Variants in GALNTL6 observed in about 807,000 individuals in gnomAD.
GALNTL6 encodes polypeptide N-acetylgalactosaminyltransferase-like 6.
A neutral mutation model predicts 73.7 loss-of-function variants in GALNTL6; 46 were observed. That is an observed-to-expected ratio of 0.62 (90% CI 0.49 to 0.80). The LOEUF (loss-of-function observed/expected upper bound fraction) is 0.80. Among genes scored for constraint, GALNTL6 ranks in the 30% least tolerant of loss-of-function variants. The probability of loss-of-function intolerance (pLI) is 0.00; values close to 1 mark genes in which losing one functional copy is unlikely to be tolerated. For missense variants in GALNTL6, 604 were observed against 755.0 expected (o/e 0.80, Z 2.34); for synonymous variants, 259 against 263.7 (o/e 0.98, Z 0.17).
At chr4:172,287,784 A>G (rs1024120952) in intron 3 of GALNTL6, among the ~76,000 whole-genome samples, 1 of 152,092 alleles carries the variant, frequency 6.6e-6, no homozygotes, top group African/African-American at 2.4e-5. Context: ...AAGGATCTCT[A>G]TGTGTCTGGA....
Position 172,984,160 on chromosome 4 carries a change from G to A in GALNTL6, c.1372-25018G>A, listed in dbSNP as rs537432336. On this transcript the variant is annotated intron_variant, in intron 10 of 12. Coordinates refer to ENST00000506823, the MANE Select transcript of GALNTL6 (RefSeq NM_001034845.3). ...TGCCAACTGTTGTGTCTGTATATGC[G>A]TATGTATTCGTCCGTTCTCAGATTG... Among the ~76,000 whole-genome samples the A allele has an allele frequency of 1.3e-3, 202 of 152,134 alleles. 1 individual carries two copies. The highest frequency in any genetic ancestry group is 3.4e-3 in the Middle Eastern group (1 of 294).
intron 2 of GALNTL6, among the ~76,000 whole-genome samples, chr4:171,968,194 C>T (rs532297420): frequency 2.8e-4 from 43 of 152,234 alleles, no homozygotes; most frequent in African/African-American, 9.9e-4. Flanking sequence ...ACTTCAGCGG[C>T]ATCTGTATTA....
At chr4:171,817,706 G>T (rs966265168) in intron 2 of GALNTL6, among the ~76,000 whole-genome samples, 18 of 151,276 alleles carry the variant, frequency 1.2e-4, no homozygotes, top group African/African-American at 4.1e-4. Context: ...ATGAAACAAG[G>T]ACGTAAAAAT....
chr4:171,973,285 A>G (rs1434479906), intron 2 of GALNTL6, among the ~76,000 whole-genome samples: 5 of 152,228 alleles, frequency 3.3e-5, no homozygotes, highest in Non-Finnish European at 5.9e-5. Context: ...TAGGGCTGCC[A>G]TAAGGAAGTA....
rs185877251 is a variant in GALNTL6, at chr4:172,685,720, A to G, written c.554-123641A>G. Among the ~76,000 whole-genome samples, 476 of 152,322 alleles carry G rather than the reference A, an allele frequency of 3.1e-3. 4 individuals carry two copies. Among genetic ancestry groups the G allele is most frequent in the African/African-American group, 0.011 (445 of 41,568 alleles). ...AGTAAATCCTCTTTTTGAGTCTTCA[A>G]TTGAATAAAACATTAATCATTTCTA... is the stretch of plus-strand genomic sequence containing the variant. On this transcript the variant is annotated intron_variant, in intron 5 of 12. Coordinates refer to ENST00000506823, the MANE Select transcript of GALNTL6 (RefSeq NM_001034845.3).
In GALNTL6 at chr4:172,267,786, T is replaced by G. The variant is rs115633135; in HGVS notation, c.247+38022T>G. ...GTGGGGCATATTTTTTTCTCCTATGTGTAGCCTTGTTCTTGGAAGTATATG... is the reference window on the plus strand; with the variant it reads ...GTGGGGCATATTTTTTTCTCCTATGGGTAGCCTTGTTCTTGGAAGTATATG... On this transcript the variant is annotated intron_variant, in intron 3 of 12. Transcript: ENST00000506823. 4.9e-3 allele frequency among the ~76,000 whole-genome samples: 750 copies of G among 152,290 alleles called. 9 individuals are homozygous for G. Among genetic ancestry groups the G allele is most frequent in the African/African-American group, 0.017 (691 of 41,574 alleles).
chr4:172,081,414 C>T (rs60958807), intron 2 of GALNTL6, among the ~76,000 whole-genome samples: 2 of 152,180 alleles, frequency 1.3e-5, no homozygotes, highest in South Asian at 2.1e-4. Context: ...CCAAGGCAGG[C>T]GAATCATGAG....
At chr4:172,272,104 C>T (rs1738678012) in intron 3 of GALNTL6, among the ~76,000 whole-genome samples, 1 of 152,144 alleles carries the variant, frequency 6.6e-6, no homozygotes, top group South Asian at 2.1e-4. Context: ...AGGTATGCGC[C>T]ACCACGCCCA....
intron 5 of GALNTL6, among the ~76,000 whole-genome samples, chr4:172,578,625 G>A (rs1737051458): frequency 6.6e-6 from 1 of 152,146 alleles, no homozygotes; most frequent in South Asian, 2.1e-4. Context: ...AATTTATTAT[G>A]AACAAGAGCT....
chr4:172,644,603 A>G (rs1176716809), intron 5 of GALNTL6, among the ~76,000 whole-genome samples: 1 of 151,974 alleles, frequency 6.6e-6, no homozygotes, highest in Non-Finnish European at 1.5e-5. Flanking sequence ...TAAATATATA[A>G]ATATACCACA....
At chr4:172,708,749 C>G (rs1030418066) in intron 5 of GALNTL6, among the ~76,000 whole-genome samples, 3 of 152,194 alleles carry the variant, frequency 2.0e-5, no homozygotes, top group African/African-American at 7.2e-5. Context: ...ATGAAAACAT[C>G]TTATTCTGAC....
chr4:172,108,358 C>T (rs1482576387), intron 2 of GALNTL6, among the ~76,000 whole-genome samples: 1 of 152,108 alleles, frequency 6.6e-6, no homozygotes, highest in Non-Finnish European at 1.5e-5. Context: ...AGAGTTGGCT[C>T]ACATGATTAT....
chr4:172,413,977 CTGTT>C lies in GALNTL6; in HGVS notation c.553+65295_553+65298del, dbSNP rs1412899024. Among the ~76,000 whole-genome samples, 11 of 152,168 alleles carry C rather than the reference CTGTT, an allele frequency of 7.2e-5. No homozygotes were observed. The East Asian group carries it at 2.1e-3, about 29-fold the overall frequency. Reference sequence around the variant, plus strand: ...TGAACTGTGAAGGAACTTTATGAGCCTGTTTGTTTGGAAACTGAATCACAGGGAA... The same window carrying C: ...TGAACTGTGAAGGAACTTTATGAGCCTGTTTGGAAACTGAATCACAGGGAA... On this transcript the variant is annotated intron_variant, in intron 5 of 12. Transcript: ENST00000506823.
chr4:171,905,634 C>T (rs918756790), intron 2 of GALNTL6, among the ~76,000 whole-genome samples: 3 of 150,126 alleles, frequency 2.0e-5, no homozygotes, highest in East Asian at 3.9e-4. Flanking sequence ...AGCTCTGCAC[C>T]AAGTGGACCT....
chr4:172,597,921 C>CTT (rs202013498), intron 5 of GALNTL6, among the ~76,000 whole-genome samples: 2 of 141,566 alleles, frequency 1.4e-5, no homozygotes. Flanking sequence ...CTTTTCATTT[C>CTT]TTTTTTTTTT....
intron 5 of GALNTL6, among the ~76,000 whole-genome samples, chr4:172,586,308 AC>A (rs1468869303): frequency 6.6e-6 from 1 of 152,190 alleles, no homozygotes; most frequent in East Asian, 1.9e-4. Context: ...TTTCAGGATC[AC>A]AGTTTACATG....
intron 5 of GALNTL6, among the ~76,000 whole-genome samples, chr4:172,487,338 CTTTCTTTCTTTCT>C (rs1292011195): frequency 1.5e-4 from 19 of 123,706 alleles, no homozygotes; most frequent in Admixed American, 1.8e-4. Flanking sequence ...TTCTTTCTTT[CTTTCTTTCTTTCT>C]TTCTTTCCTT....
chr4:172,922,105 T>C (rs1579657859), intron 8 of GALNTL6, among the ~76,000 whole-genome samples: 1 of 152,032 alleles, frequency 6.6e-6, no homozygotes, highest in Admixed American at 6.6e-5. Context: ...ATCTGATGGG[T>C]TTATCAGAGG....
At chr4:172,905,812 C>CAAAAAAAAAAAAAAAAA (rs397996287) in intron 8 of GALNTL6, among the ~76,000 whole-genome samples, 5 of 69,656 alleles carry the variant, frequency 7.2e-5, no homozygotes, top group Non-Finnish European at 1.1e-4. Context: ...AGAGATCACT[C>CAAAAAAAAAAAAAAAAA]AAAAAAAAAA....
Sources: gnomAD v4.1 joint callset for allele counts (sites outside exome capture counted in the v4.1 genomes callset) on GRCh38, gnomAD v4.1.1 for gene constraint, MANE v1.5 for transcripts, NCBI Gene and HGNC (gene_info 2026-07-23, HGNC 2026-07-21) for gene names.